Variants in GABRB1 observed in about 807,000 individuals in gnomAD.
The protein encoded by GABRB1 is gamma-aminobutyric acid type A receptor subunit beta1.
In GABRB1, 17 loss-of-function variants were observed where a neutral mutation model predicts 51.6. The observed-to-expected ratio is 0.33, with a 90% CI of 0.23 to 0.49. The LOEUF is 0.49. GABRB1 is among the 20% of genes least tolerant of loss of function. The pLI is 0.99. For synonymous variants in GABRB1, 247 were observed against 218.9 expected (o/e 1.13, Z -1.14); for missense variants, 410 against 600.6 (o/e 0.68, Z 3.32).
intron 4 of GABRB1, among the ~76,000 whole-genome samples, chr4:47,298,358 T>C (rs1436860840): frequency 6.6e-5 from 10 of 152,102 alleles, no homozygotes; most frequent in Non-Finnish European, 1.3e-4. Context: ...CAGCCCAAAA[T>C]CTCCTTAAGC....
intron 3 of GABRB1, among the ~76,000 whole-genome samples, chr4:47,112,421 C>T (rs1411095781): frequency 2.0e-5 from 3 of 152,132 alleles, no homozygotes; most frequent in Admixed American, 2.0e-4. Context: ...TAGTATTCTA[C>T]AATTGTGTTA....
intron 3 of GABRB1, among the ~76,000 whole-genome samples, chr4:47,155,078 C>T (rs1717633384): frequency 6.6e-6 from 1 of 152,070 alleles, no homozygotes; most frequent in African/African-American, 2.4e-5. Context: ...AGCAACTGCT[C>T]TTGAATCAGG....
chr4:47,288,166 C>T (rs761744660), intron 4 of GABRB1, among the ~76,000 whole-genome samples: 1 of 152,020 alleles, frequency 6.6e-6, no homozygotes, highest in Non-Finnish European at 1.5e-5. Context: ...TCGCACTAAT[C>T]ACAGAACACT....
Position 47,407,440 on chromosome 4 carries a change from G to C in GABRB1, c.1080+514G>C, listed in dbSNP as rs1465509763. Among the ~76,000 whole-genome samples, 6 of 152,262 alleles carry C rather than the reference G, an allele frequency of 3.9e-5. No homozygotes were observed. In the East Asian group the frequency reaches 1.2e-3, roughly 29 times the overall value. ...TATTATAGTATGTCTATCTCACAGA[G>C]TTGTTTTAAGAACTCTGTTTTTCTC... On this transcript the variant is annotated intron_variant, in intron 8 of 8. Transcript: ENST00000295454.
At chr4:47,093,180 A>T (rs1253175604) in intron 3 of GABRB1, among the ~76,000 whole-genome samples, 1 of 152,322 alleles carries the variant, frequency 6.6e-6, no homozygotes, top group East Asian at 1.9e-4. Context: ...CCTAGTGTGA[A>T]GGAAATGTGT....
chr4:47,107,859 G>T (rs999930404), intron 3 of GABRB1, among the ~76,000 whole-genome samples: 1 of 152,048 alleles, frequency 6.6e-6, no homozygotes, highest in Middle Eastern at 3.2e-3. Context: ...TTTTAGGAGA[G>T]TAACTTTTAG....
chr4:47,266,314 T>G (rs1278571791), intron 4 of GABRB1, among the ~76,000 whole-genome samples: 1 of 152,150 alleles, frequency 6.6e-6, no homozygotes, highest in East Asian at 1.9e-4. Context: ...CATGTTGTTT[T>G]GGTTACTGTT....
At chr4:47,378,014 C>G (rs948999934) in intron 5 of GABRB1, among the ~76,000 whole-genome samples, 9 of 152,348 alleles carry the variant, frequency 5.9e-5, no homozygotes, top group Admixed American at 5.2e-4. Context: ...GCAGGTGGAG[C>G]TGCCTGCCAG....
At chr4:47,259,972 T>C (rs1722364233) in intron 4 of GABRB1, among the ~76,000 whole-genome samples, 1 of 144,186 alleles carries the variant, frequency 6.9e-6, no homozygotes, top group African/African-American at 2.6e-5. Context: ...AGTCTCTTTG[T>C]AGGTCACTAA....
intron 4 of GABRB1, among the ~76,000 whole-genome samples, chr4:47,222,837 A>C (rs1720813284): frequency 6.6e-6 from 1 of 152,172 alleles, no homozygotes; most frequent in Non-Finnish European, 1.5e-5. Context: ...TCTCTTTAAA[A>C]AAAATCTGTA....
chr4:47,171,849 G>A (rs914109825), intron 4 of GABRB1, among the ~76,000 whole-genome samples: 25 of 152,086 alleles, frequency 1.6e-4, no homozygotes, highest in African/African-American at 5.1e-4. Context: ...TTTTGAGCAC[G>A]ATATTAAAGC....
intron 1 of GABRB1, among the ~76,000 whole-genome samples, chr4:47,023,081 C>A (rs1273793607): frequency 6.6e-6 from 1 of 152,014 alleles, no homozygotes; most frequent in Non-Finnish European, 1.5e-5. Flanking sequence ...GACAGAAAGA[C>A]AAACATCACA....
At chr4:47,292,386 C>T (rs1407005240) in intron 4 of GABRB1, among the ~76,000 whole-genome samples, 1 of 152,094 alleles carries the variant, frequency 6.6e-6, no homozygotes, top group Non-Finnish European at 1.5e-5. Context: ...GACAAGTATA[C>T]CCTTTAAAAA....
chr4:47,349,106 T>C (rs757796946), intron 5 of GABRB1, among the ~76,000 whole-genome samples: 1 of 152,124 alleles, frequency 6.6e-6, no homozygotes, highest in Non-Finnish European at 1.5e-5. Flanking sequence ...AAGTTCAATT[T>C]TGGACATTTT....
chr4:47,180,882 C>A (rs1478002780), intron 4 of GABRB1, among the ~76,000 whole-genome samples: 1 of 151,998 alleles, frequency 6.6e-6, no homozygotes. Context: ...TTTTCACTAT[C>A]TTTTGAATTA....
At chr4:47,395,827 A>G (rs1408259062) in intron 5 of GABRB1, among the ~76,000 whole-genome samples, 1 of 152,152 alleles carries the variant, frequency 6.6e-6, no homozygotes, top group African/African-American at 2.4e-5. Flanking sequence ...TCATACACCT[A>G]CAAGTATATG....
At chr4:47,312,820 T>C (rs1308157395) in intron 4 of GABRB1, among the ~76,000 whole-genome samples, 1 of 152,162 alleles carries the variant, frequency 6.6e-6, no homozygotes, top group Non-Finnish European at 1.5e-5. Flanking sequence ...TATTTGCAAA[T>C]GTACCCTCTC....
intron 5 of GABRB1, among the ~76,000 whole-genome samples, chr4:47,373,881 T>A (rs149357335): frequency 6.6e-6 from 1 of 152,230 alleles, no homozygotes; most frequent in Non-Finnish European, 1.5e-5. Flanking sequence ...TGAGGTAAGG[T>A]GTCAAGGAAG....
chr4:47,283,047 T>C (rs151079632), intron 4 of GABRB1, among the ~76,000 whole-genome samples: 33 of 152,002 alleles, frequency 2.2e-4, no homozygotes, highest in African/African-American at 7.7e-4. Flanking sequence ...AAGGAAAGAG[T>C]TTTGTAATCA....
Sources: gnomAD v4.1 joint callset for allele counts (sites outside exome capture counted in the v4.1 genomes callset) on GRCh38, gnomAD v4.1.1 for gene constraint, MANE v1.5 for transcripts, NCBI Gene and HGNC (gene_info 2026-07-23, HGNC 2026-07-21) for gene names.